LRP12: variants seen among roughly 807,000 people sequenced by gnomAD.
LRP12 encodes LDL receptor related protein 12, also known as low-density lipoprotein receptor-related protein 12.
LRP12 carries 14 observed loss-of-function variants against 66.0 expected under a neutral mutation model. The ratio of observed to expected loss-of-function variants is 0.21; its 90% CI spans 0.14 to 0.33. LRP12 has a LOEUF of 0.33. Ranked by LOEUF, LRP12 falls within the 10% of genes least tolerant of loss-of-function variation. The pLI is 1.00. For missense variants in LRP12, 889 were observed against 1,053.4 expected, an observed-to-expected ratio of 0.84 and a Z score of 2.16; for synonymous variants, 357 against 359.1, an observed-to-expected ratio of 0.99 and a Z score of 0.07.
chr8:104,514,471 G>A (rs901955697), intron 2 of LRP12, among the ~76,000 whole-genome samples: 1 of 151,620 alleles, frequency 6.6e-6, no homozygotes, highest in African/African-American at 2.4e-5. Flanking sequence ...CACTTTGGGA[G>A]GCCGAGGCGG....
chr8:104,585,608 T>C (rs1812316759), intron 1 of LRP12, among the ~76,000 whole-genome samples: 1 of 152,168 alleles, frequency 6.6e-6, no homozygotes, highest in Non-Finnish European at 1.5e-5. Flanking sequence ...CAAAATTTAT[T>C]TAATGAGTCC....
chr8:104,539,517 G>A (rs1264236748), intron 1 of LRP12, among the ~76,000 whole-genome samples: 1 of 151,906 alleles, frequency 6.6e-6, no homozygotes. Flanking sequence ...CCCTCTGATA[G>A]CATATTATAC....
chr8:104,517,171 A>G (rs917857110), intron 2 of LRP12, among the ~76,000 whole-genome samples: 2 of 150,458 alleles, frequency 1.3e-5, no homozygotes, highest in African/African-American at 2.4e-5. Context: ...CAAGAAGCAT[A>G]TAACAGTTAA....
In LRP12 at chr8:104,588,826, C is replaced by G; in HGVS notation, c.72G>C (p.Gly24=). Residue 24 remains glycine (G), a synonymous_variant, in exon 1 of 7, where the codon GGG becomes GGC. Coordinates refer to ENST00000276654, the MANE Select transcript of LRP12 (RefSeq NM_013437.5). ...GGGGACGCGGACACTTACCGTACAC[C>G]CCAGCGAGGAAAAGCAAGAGCAACG... ...RSALLLLFLA[G]VYGNGALAEH... is the part of the protein sequence containing the mutation. 6.2e-7 allele frequency: 1 copy of G among 1,612,568 alleles called. No individual in the cohort carries two copies. The highest frequency in any genetic ancestry group is 8.5e-7 in the Non-Finnish European group (1 of 1,179,366).
At chr8:104,535,170 G>A in intron 1 of LRP12, among the ~76,000 whole-genome samples, 1 of 151,832 alleles carries the variant, frequency 6.6e-6, no homozygotes, top group Non-Finnish European at 1.5e-5. Flanking sequence ...TCAGAAAATA[G>A]TTTGTTATAA....
intron 2 of LRP12, among the ~76,000 whole-genome samples, chr8:104,522,915 AAGTT>A (rs1370473460): frequency 3.3e-5 from 5 of 152,154 alleles, no homozygotes; most frequent in Non-Finnish European, 5.9e-5. Flanking sequence ...ATAAGAAAAA[AAGTT>A]AAGCAAGAAA....
intron 2 of LRP12, among the ~76,000 whole-genome samples, chr8:104,531,254 TTC>T (rs1811321154): frequency 6.6e-6 from 1 of 152,180 alleles, no homozygotes; most frequent in African/African-American, 2.4e-5. Context: ...AATATTTTAG[TTC>T]TCCTAGTAAC....
At chr8:104,496,854 CTT>C (rs1363551962) in intron 5 of LRP12, 116 bp downstream of exon 5, 1 of 995,636 alleles carries the variant, frequency 1.0e-6, no homozygotes, top group East Asian at 2.9e-5. Context: ...CATCAACAAT[CTT>C]TATCCATTTT....
chr8:104,576,177 A>T (rs1812161893), intron 1 of LRP12, among the ~76,000 whole-genome samples: 1 of 152,164 alleles, frequency 6.6e-6, no homozygotes, highest in Non-Finnish European at 1.5e-5. Flanking sequence ...GGAAAATGGA[A>T]CCAACTTGGT....
chr8:104,543,347 T>C (rs1377506127), intron 1 of LRP12, among the ~76,000 whole-genome samples: 1 of 152,138 alleles, frequency 6.6e-6, no homozygotes, highest in African/African-American at 2.4e-5. Context: ...TCATTACTAT[T>C]GTATTTGTCA....
intron 1 of LRP12, among the ~76,000 whole-genome samples, chr8:104,559,424 G>A (rs1402779720): frequency 6.6e-6 from 1 of 151,618 alleles, no homozygotes; most frequent in Non-Finnish European, 1.5e-5. Flanking sequence ...AAAGGCATAA[G>A]AATGATACAA....
At chr8:104,571,911 A>G (rs537642540) in intron 1 of LRP12, among the ~76,000 whole-genome samples, 1 of 152,370 alleles carries the variant, frequency 6.6e-6, no homozygotes, top group East Asian at 1.9e-4. Flanking sequence ...CCCTGGTGTC[A>G]GAAAGGCTGG....
intron 1 of LRP12, among the ~76,000 whole-genome samples, chr8:104,536,558 C>A (rs1251718581): frequency 6.6e-6 from 1 of 151,928 alleles, no homozygotes; most frequent in African/African-American, 2.4e-5. Flanking sequence ...CATGCAGAAT[C>A]CCTGCTCCTG....
At chr8:104,552,270 T>C (rs1380189784) in intron 1 of LRP12, among the ~76,000 whole-genome samples, 1 of 152,124 alleles carries the variant, frequency 6.6e-6, no homozygotes, top group Non-Finnish European at 1.5e-5. Flanking sequence ...ACCAAGAAAA[T>C]GGCATTTTTT....
intron 6 of LRP12, among the ~76,000 whole-genome samples, chr8:104,492,315 A>C (rs2140826804): frequency 6.6e-6 from 1 of 152,318 alleles, no homozygotes; most frequent in Admixed American, 6.5e-5. Flanking sequence ...AGGTTGTCCA[A>C]CTGAATAAAA....
intron 1 of LRP12, among the ~76,000 whole-genome samples, chr8:104,581,148 G>A (rs1351813636): frequency 6.6e-6 from 1 of 152,178 alleles, no homozygotes; most frequent in Non-Finnish European, 1.5e-5. Flanking sequence ...TTGGATGGAG[G>A]TGGGGGCCAT....
chr8:104,524,241 C>CAA (rs57379814), intron 2 of LRP12, among the ~76,000 whole-genome samples: 10 of 96,738 alleles, frequency 1.0e-4, no homozygotes, highest in African/African-American at 1.5e-4. Flanking sequence ...GACCCTGTCT[C>CAA]AAAAAAAAAA....
intron 2 of LRP12, among the ~76,000 whole-genome samples, chr8:104,510,646 T>C (rs1473781080): frequency 6.6e-6 from 1 of 152,184 alleles, no homozygotes; most frequent in Non-Finnish European, 1.5e-5. Context: ...ATTAGATTAC[T>C]TGATTTTAAA....
In LRP12 at chr8:104,497,437, T is replaced by A. The variant is rs762841337; in HGVS notation, c.1115A>T (p.Asp372Val). 3 of 1,614,014 alleles carry A rather than the reference T, an allele frequency of 1.9e-6. No individual in the cohort carries two copies. ...ARGFNATYQV[D>V]GFCLPWEIPC... The stretch of plus-strand genomic sequence containing the variant: ...TATTTCCCATGGCAAACAGAACCCA[T>A]CTACTTGGTAAGTAGCATTAAATCC... Residue 372 changes from aspartate to valine, a missense_variant, in exon 5 of 7, where the codon GAT becomes GTT. Transcript: ENST00000276654. The surrounding 1 kb of genome is among the most constrained non-coding windows in gnomAD (Gnocchi z 4.3).
Sources: allele counts gnomAD v4.1 joint callset (sites outside exome capture counted in the v4.1 genomes callset), GRCh38; gene constraint gnomAD v4.1.1; non-coding constraint Gnocchi (gnomAD v3.1); transcripts MANE v1.5; gene names NCBI Gene and HGNC (gene_info 2026-07-23, HGNC 2026-07-21).